TMPPE: variants seen among roughly 807,000 people sequenced by gnomAD.
TMPPE encodes the protein transmembrane protein with metallophosphoesterase domain.
In TMPPE, 16 loss-of-function variants were observed where a neutral mutation model predicts 22.6. That is an observed-to-expected ratio of 0.71 (90% CI 0.48 to 1.08). The LOEUF (loss-of-function observed/expected upper bound fraction) is 1.08, where lower values mean the gene tolerates loss of function less well. Among genes scored for constraint, TMPPE ranks in the 50% least tolerant of loss-of-function variants. The probability of loss-of-function intolerance (pLI) is 0.00; values close to 1 mark genes in which losing one functional copy is unlikely to be tolerated. For synonymous variants in TMPPE, 240 were observed against 245.3 expected, an observed-to-expected ratio of 0.98 and a Z score of 0.20; for missense variants, 526 against 584.3, an observed-to-expected ratio of 0.90 and a Z score of 1.03.
In TMPPE at chr3:33,091,681, G is replaced by A. The variant is rs891057805; in HGVS notation, c.*1153C>T. On this transcript the variant is annotated 3_prime_UTR_variant, in exon 2 of 2. Transcript: ENST00000342462. ...TTTAGGGTTGATGGAAACCAAGGCT[G>A]AGTGAGGGAAAGTCACCCACCCAAC... The A allele has an allele frequency of 1.0e-6, 1 of 985,060 alleles. No individual in the cohort carries two copies. Among genetic ancestry groups the A allele is most frequent in the Non-Finnish European group, 1.2e-6 (1 of 829,734 alleles). The allele number at this position is 985,060 out of a possible 1,614,324, so 61.0% of individuals were successfully genotyped here. A position where few individuals can be genotyped will look rare whatever the true frequency, so the allele number is the denominator to read the frequency against.
Position 33,091,104 on chromosome 3 carries a change from G to C in TMPPE, c.*1730C>G. ...TAGCCCACCTGGTGAAATCCAAAGC[G>C]AGAACTTAAAGGGAGTAAGGATGAT... On this transcript the variant is annotated 3_prime_UTR_variant, in exon 2 of 2. Coordinates refer to ENST00000342462, the MANE Select transcript of TMPPE (RefSeq NM_001039770.3). The C allele has an allele frequency of 2.0e-6, 2 of 985,410 alleles. No individual in the cohort carries two copies. Among genetic ancestry groups the C allele is most frequent in the Non-Finnish European group, 2.4e-6 (2 of 829,936 alleles). The allele number at this position is 985,410 out of a possible 1,614,324, so 61.0% of individuals were successfully genotyped here. A position where few individuals can be genotyped will look rare whatever the true frequency, so the allele number is the denominator to read the frequency against.
rs1201111094 is a variant in TMPPE, at chr3:33,090,600, C to G, written c.*2234G>C. ...AGCTTCAAGTAACGTTTCTCACCACCTCCCCCGGCCACAAACAAACAAAAA... is the reference window on the plus strand; with the variant it reads ...AGCTTCAAGTAACGTTTCTCACCACGTCCCCCGGCCACAAACAAACAAAAA... On this transcript the variant is annotated 3_prime_UTR_variant, in exon 2 of 2. Coordinates refer to ENST00000342462, the MANE Select transcript of TMPPE (RefSeq NM_001039770.3). 7.1e-6 allele frequency: 7 copies of G among 985,220 alleles called. No individual in the cohort carries two copies. In the African/African-American group the frequency reaches 1.2e-4, roughly 17 times the overall value. The allele number at this position is 985,220 out of a possible 1,614,324, so 61.0% of individuals were successfully genotyped here.
In TMPPE at chr3:33,092,947, C is replaced by G. The variant is rs1434334861; in HGVS notation, c.1249G>C (p.Val417Leu). The change falls in exon 2 of 2, where the codon GTG (valine) becomes CTG (leucine). Residue 417 changes from valine to leucine, a missense_variant. Val to Leu is a conservative substitution (Grantham distance 32, BLOSUM62 1). Coordinates refer to ENST00000342462, the MANE Select transcript of TMPPE (RefSeq NM_001039770.3). ...LNPFFAGLYQVAQATFVYVSP... is the reference protein window; with the variant it reads ...LNPFFAGLYQLAQATFVYVSP... Reference sequence around the variant, plus strand: ...ACATACACGAATGTAGCCTGGGCCACCTGGTAGAGACCAGCAAAGAAGGGA... The same window carrying G: ...ACATACACGAATGTAGCCTGGGCCAGCTGGTAGAGACCAGCAAAGAAGGGA... 6.2e-7 allele frequency: 1 copy of G among 1,614,066 alleles called. No individual in the cohort carries two copies. The highest frequency in any genetic ancestry group is 2.2e-5 in the East Asian group (1 of 44,898).
Position 33,096,742 on chromosome 3 carries a change from A to T in TMPPE, c.-132T>A, listed in dbSNP as rs1701047300. 6 of 1,298,800 alleles carry T rather than the reference A, an allele frequency of 4.6e-6. No individual in the cohort carries two copies. The highest frequency in any genetic ancestry group is 5.8e-6 in the Non-Finnish European group (6 of 1,026,554). The allele number at this position is 1,298,800 out of a possible 1,614,324, so 80.5% of individuals were successfully genotyped here. On this transcript the variant is annotated 5_prime_UTR_variant, in exon 1 of 2. Transcript: ENST00000342462. ...ACCTCGTCTCAACACCTCGTTACAGATGGGGAAGTGGATCCAAGCGCAAAG... is the reference window on the plus strand; with the variant it reads ...ACCTCGTCTCAACACCTCGTTACAGTTGGGGAAGTGGATCCAAGCGCAAAG...
chr3:33,095,378 T>C (rs776133989), intron 1 of TMPPE, among the ~76,000 whole-genome samples: 6 of 151,466 alleles, frequency 4.0e-5, no homozygotes, highest in Non-Finnish European at 5.9e-5. Flanking sequence ...AGAAAAAAAT[T>C]AGTCGGGTGT....
At chr3:33,094,487 T>C (rs553352849) in intron 1 of TMPPE, among the ~76,000 whole-genome samples, 184 bp from the exon 2 acceptor site, 25 of 152,356 alleles carry the variant, frequency 1.6e-4, no homozygotes, top group African/African-American at 6.0e-4. Context: ...TGATGGGCAG[T>C]TTTCATTTTC....
In TMPPE at chr3:33,092,335, C is replaced by T. The variant is rs566139698; in HGVS notation, c.*499G>A. The T allele has an allele frequency of 1.0e-6, 1 of 987,420 alleles. No homozygotes were observed. Among genetic ancestry groups the T allele is most frequent in the Admixed American group, 6.0e-5 (1 of 16,592 alleles). 61.2% of individuals were successfully genotyped at this position (987,420 alleles called of 1,614,324 possible). A position where few individuals can be genotyped will look rare whatever the true frequency, so the allele number is the denominator to read the frequency against. On this transcript the variant is annotated 3_prime_UTR_variant, in exon 2 of 2. Coordinates refer to ENST00000342462, the MANE Select transcript of TMPPE (RefSeq NM_001039770.3). ...CTTCTCTAGCAGCCAGAGGGCCCTT[C>T]CATCTTGCCTGTTCTCCCAAATTAC...
chr3:33,094,820 T>C (rs1042258197), intron 1 of TMPPE, among the ~76,000 whole-genome samples: 4 of 152,246 alleles, frequency 2.6e-5, no homozygotes, highest in African/African-American at 9.6e-5. Context: ...AGTGCAACTC[T>C]TCACCCTAAA....
rs144399614 is a variant in TMPPE, at chr3:33,090,453, T to A, written c.*2381A>T. On this transcript the variant is annotated 3_prime_UTR_variant, in exon 2 of 2. Transcript: ENST00000342462. ...AGGAATGGCAGCAGGATCAATTTATTGAGATTTTGTGACAGCATCATATAC... is the reference window on the plus strand; with the variant it reads ...AGGAATGGCAGCAGGATCAATTTATAGAGATTTTGTGACAGCATCATATAC... 4.2e-5 allele frequency: 41 copies of A among 985,424 alleles called. No homozygotes were observed. In the East Asian group the frequency reaches 4.5e-3, roughly 109 times the overall value. 61.0% of individuals were successfully genotyped at this position (985,424 alleles called of 1,614,324 possible). A position where few individuals can be genotyped will look rare whatever the true frequency, so the allele number is the denominator to read the frequency against.
At position 33,094,017 on chromosome 3, in the gene TMPPE, G is replaced by T; in HGVS notation, c.179C>A (p.Ser60Tyr). 1 of 1,614,226 alleles carries T rather than the reference G, an allele frequency of 6.2e-7. No homozygotes were observed. The highest frequency in any genetic ancestry group is 1.1e-5 in the South Asian group (1 of 91,086). The change falls in exon 2 of 2, where the codon TCC becomes TAC. Residue 60 changes from serine to tyrosine, a missense_variant. Physicochemically the swap from Ser to Tyr is moderately radical, Grantham distance 144. Transcript: ENST00000342462. ...CACTGTGCTGCGCCAAATGTAGAGG[G>T]AGCCAATGAGCAAGAGCGAGTTGAC... ...LFVNSLLLIG[S>Y]LYIWRSTVSN...
At position 33,092,446 on chromosome 3, in the gene TMPPE, A is replaced by G; in HGVS notation, c.*388T>C. On this transcript the variant is annotated 3_prime_UTR_variant, in exon 2 of 2. Coordinates refer to ENST00000342462, the MANE Select transcript of TMPPE (RefSeq NM_001039770.3). ...GTCCTAAAGACAATTTTAAAACACC[A>G]GGAGAAAAATGCTCCTGCTCCTCCC... 9.9e-7 allele frequency: 1 copy of G among 1,008,186 alleles called. No individual in the cohort carries two copies. The highest frequency in any genetic ancestry group is 1.2e-6 in the Non-Finnish European group (1 of 844,618). 62.5% of individuals were successfully genotyped at this position (1,008,186 alleles called of 1,614,324 possible). A position where few individuals can be genotyped will look rare whatever the true frequency, so the allele number is the denominator to read the frequency against.
Position 33,093,423 on chromosome 3 carries a change from G to C in TMPPE, c.773C>G (p.Ala258Gly). The change falls in exon 2 of 2, where the codon GCT becomes GGT. Residue 258 changes from alanine to glycine, a missense_variant. By Grantham distance (60) the Ala-to-Gly change is moderately conservative (BLOSUM62 0). Transcript: ENST00000342462. This position sits in a 1 kb window ranked among gnomAD's most constrained non-coding sequence, Gnocchi z 6.0. ...SDSEASVLRTAVAPLGQLHSH... is the reference protein window; with the variant it reads ...SDSEASVLRTGVAPLGQLHSH... ...ATGAAGCTGGCCCAGAGGAGCGACA[G>C]CCGTCCGCAGGACCGAGGCTTCTGA... The C allele has an allele frequency of 1.9e-6, 3 of 1,614,134 alleles. No homozygotes were observed. Among genetic ancestry groups the C allele is most frequent in the Non-Finnish European group, 2.5e-6 (3 of 1,180,036 alleles).
chr3:33,091,242 T>C lies in TMPPE; in HGVS notation c.*1592A>G, dbSNP rs946967455. The C allele has an allele frequency of 6.1e-6, 6 of 985,368 alleles. No individual in the cohort carries two copies. The highest frequency in any genetic ancestry group is 7.2e-6 in the Non-Finnish European group (6 of 829,986). The allele number at this position is 985,368 out of a possible 1,614,324, so 61.0% of individuals were successfully genotyped here. On this transcript the variant is annotated 3_prime_UTR_variant, in exon 2 of 2. Transcript: ENST00000342462. ...ACTCAAAGATACATTTTAAACTGCA[T>C]GGTATGGCCCACTGTCAATACCGTG... is the stretch of plus-strand genomic sequence containing the variant.
Position 33,093,251 on chromosome 3 carries a change from A to G in TMPPE, c.945T>C (p.Gly315=). The change falls in exon 2 of 2, where the codon GGT becomes GGC. Residue 315 remains glycine, a synonymous_variant. Transcript: ENST00000342462. This position sits in a 1 kb window ranked among gnomAD's most constrained non-coding sequence, Gnocchi z 6.0. ...VKISATRAQR[G]GGGSGSGSED... The stretch of plus-strand genomic sequence containing the variant: ...CACTCCCACTGCCACTGCCACCACC[A>G]CCACGTTGGGCCCGTGTGGCGGAAA... 1 of 1,614,140 alleles carries G rather than the reference A, an allele frequency of 6.2e-7. No individual in the cohort carries two copies. Among genetic ancestry groups the G allele is most frequent in the Non-Finnish European group, 8.5e-7 (1 of 1,180,010 alleles).
Position 33,091,976 on chromosome 3 carries a change from G to A in TMPPE, c.*858C>T. ...TAGCCCCAAATCTCCTACATATCTT[G>A]TCATACTGCCTGTGCCCTATCTCTC... is the stretch of plus-strand genomic sequence containing the variant. On this transcript the variant is annotated 3_prime_UTR_variant, in exon 2 of 2. Coordinates refer to ENST00000342462, the MANE Select transcript of TMPPE (RefSeq NM_001039770.3). 1.0e-6 allele frequency: 1 copy of A among 983,822 alleles called. No individual in the cohort carries two copies. The highest frequency in any genetic ancestry group is 1.2e-6 in the Non-Finnish European group (1 of 828,478). The allele number at this position is 983,822 out of a possible 1,614,324, so 60.9% of individuals were successfully genotyped here.
In TMPPE at chr3:33,093,632, C is replaced by T. The variant is rs769114598; in HGVS notation, c.564G>A (p.Pro188=). The change falls in exon 2 of 2, where the codon CCG becomes CCA. Residue 188 remains proline (P), a synonymous_variant. Coordinates refer to ENST00000342462, the MANE Select transcript of TMPPE (RefSeq NM_001039770.3). This position sits in a 1 kb window ranked among gnomAD's most constrained non-coding sequence, Gnocchi z 6.0. ...TGGGCACCTCCACAGTTTTCACAGC[C>T]GGGGGCTGCGCGGCATTCAGAATCC... ...VAGILNAAQP[P]AVKTVEVPIH... 9.3e-6 allele frequency: 15 copies of T among 1,614,124 alleles called. No homozygotes were observed. Among genetic ancestry groups the T allele is most frequent in the East Asian group, 2.2e-5 (1 of 44,878 alleles).
rs780024964 is a variant in TMPPE, at chr3:33,093,236, G to A, written c.960C>T (p.Gly320=). Residue 320 remains glycine, a synonymous_variant, in exon 2 of 2, where the codon GGC becomes GGT. Transcript: ENST00000342462. This position sits in a 1 kb window ranked among gnomAD's most constrained non-coding sequence, Gnocchi z 6.0. ...TRAQRGGGGS[G]SGSEDEDWIC... is the part of the protein sequence containing the mutation. ...TCCAGTCCTCATCCTCACTCCCACT[G>A]CCACTGCCACCACCACCACGTTGGG... The A allele has an allele frequency of 1.5e-5, 24 of 1,613,974 alleles. No homozygotes were observed. In the African/African-American group the frequency reaches 3.2e-4, roughly 22 times the overall value.
At chr3:33,096,382 C>T (rs1701027717) in intron 1 of TMPPE, 1 of 982,428 alleles carries the variant, frequency 1.0e-6, no homozygotes, top group African/African-American at 1.8e-5. Flanking sequence ...ATGGCATCCC[C>T]CGGCAGCCTG....
At chr3:33,094,803 G>A (rs529014586) in intron 1 of TMPPE, among the ~76,000 whole-genome samples, 45 of 152,298 alleles carry the variant, frequency 3.0e-4, no homozygotes, top group Middle Eastern at 3.4e-3. Context: ...TTGCAGAAAT[G>A]TAAAACAGTG....
Sources: gnomAD v4.1 joint callset for allele counts (sites outside exome capture counted in the v4.1 genomes callset) on GRCh38, gnomAD v4.1.1 for gene constraint, Gnocchi (gnomAD v3.1) non-coding constraint, MANE v1.5 for transcripts, NCBI Gene and HGNC (gene_info 2026-07-23, HGNC 2026-07-21) for gene names.